LRRC8C: variants seen among roughly 807,000 people sequenced by gnomAD.
LRRC8C encodes the protein leucine rich repeat containing 8 VRAC subunit C.
A neutral mutation model predicts 55.3 loss-of-function variants in LRRC8C; 20 were observed. That is an observed-to-expected ratio of 0.36 (90% CI 0.25 to 0.53). The LOEUF is 0.53. Ranked by LOEUF, LRRC8C falls within the 20% of genes least tolerant of loss-of-function variation. The pLI, the probability that LRRC8C is intolerant of heterozygous loss-of-function variation, is 0.92. For missense variants in LRRC8C, 659 were observed against 951.4 expected, an observed-to-expected ratio of 0.69 and a Z score of 4.04; for synonymous variants, 376 against 360.7, an observed-to-expected ratio of 1.04 and a Z score of -0.48.
chr1:89,704,483 G>T (rs533611228), intron 2 of LRRC8C, among the ~76,000 whole-genome samples: 1 of 152,196 alleles, frequency 6.6e-6, no homozygotes, highest in East Asian at 1.9e-4. Context: ...AACTCAAGGT[G>T]CAGGAACAAT....
chr1:89,712,626 G>T, intron 2 of LRRC8C, 83 bp from the exon 3 acceptor site: 1 of 927,058 alleles, frequency 1.1e-6, no homozygotes, highest in Non-Finnish European at 1.7e-6. Context: ...TTTATTGGAT[G>T]TTACTGCTGC....
At chr1:89,635,949 G>C (rs1656267131) in intron 1 of LRRC8C, among the ~76,000 whole-genome samples, 1 of 152,190 alleles carries the variant, frequency 6.6e-6, no homozygotes, top group Non-Finnish European at 1.5e-5. Flanking sequence ...ACTAATGAGG[G>C]TTACATAACC....
At position 89,714,603 on chromosome 1, in the gene LRRC8C, ACC is replaced by A; in HGVS notation, c.2034_2035del (p.Phe680ProfsTer14). On this transcript the variant is annotated frameshift_variant, in exon 3 of 3. Transcript: ENST00000370454. LOFTEE classifies it high-confidence loss of function. The surrounding 1 kb of genome is among the most constrained non-coding windows in gnomAD (Gnocchi z 4.6). ...AATAAAATAGAGGTGCTGCCTTCCC[ACC>A]TCTTCCTATGCAACAAGATCCGATA... 1 of 1,613,998 alleles carries A rather than the reference ACC, an allele frequency of 6.2e-7. No homozygotes were observed. Among genetic ancestry groups the A allele is most frequent in the South Asian group, 1.1e-5 (1 of 91,046 alleles).
At chr1:89,637,857 C>T (rs1656336300) in intron 1 of LRRC8C, among the ~76,000 whole-genome samples, 1 of 152,126 alleles carries the variant, frequency 6.6e-6, no homozygotes, top group Admixed American at 6.5e-5. Flanking sequence ...AACATACCAT[C>T]ACAAATTTGA....
chr1:89,633,479 G>A (rs953988199), intron 1 of LRRC8C, among the ~76,000 whole-genome samples, 157 bp downstream of exon 1: 1 of 152,214 alleles, frequency 6.6e-6, no homozygotes, highest in Non-Finnish European at 1.5e-5. Context: ...TGCCCGCCCG[G>A]CGTGTGGTGC....
chr1:89,666,448 A>G (rs1657266314), intron 1 of LRRC8C, among the ~76,000 whole-genome samples: 1 of 152,110 alleles, frequency 6.6e-6, no homozygotes, highest in Non-Finnish European at 1.5e-5. Flanking sequence ...ATTCAAAACA[A>G]ATGAGGCCCA....
chr1:89,713,266 A>G lies in LRRC8C; in HGVS notation c.696A>G (p.Lys232=). The change falls in exon 3 of 3, where the codon AAA becomes AAG. Residue 232 remains lysine, a synonymous_variant. Coordinates refer to ENST00000370454, the MANE Select transcript of LRRC8C (RefSeq NM_032270.5). This position sits in a 1 kb window ranked among gnomAD's most constrained non-coding sequence, Gnocchi z 5.2. ...AATCCACTGCAGGGGCTCTGGATAAAAAGGAAGGTGAGCAGGCTAAGGCCT... is the reference window on the plus strand; with the variant it reads ...AATCCACTGCAGGGGCTCTGGATAAGAAGGAAGGTGAGCAGGCTAAGGCCT... ...VDKSTAGALD[K]KEGEQAKALF... 1 of 1,614,222 alleles carries G rather than the reference A, an allele frequency of 6.2e-7. No individual in the cohort carries two copies. Among genetic ancestry groups the G allele is most frequent in the Non-Finnish European group, 8.5e-7 (1 of 1,180,030 alleles).
At chr1:89,627,269 CAA>C in the LRRC8C span, among the ~76,000 whole-genome samples, 11 of 151,158 alleles carry the variant, frequency 7.3e-5, no homozygotes, top group Non-Finnish European at 1.6e-4. Context: ...AGACAATGAC[CAA>C]TATATATATA....
intron 2 of LRRC8C, among the ~76,000 whole-genome samples, chr1:89,702,080 G>A (rs534876309): frequency 6.6e-6 from 1 of 152,212 alleles, no homozygotes; most frequent in Non-Finnish European, 1.5e-5. Context: ...TGCATCTGAG[G>A]TGCCTGCCGA....
intron 1 of LRRC8C, among the ~76,000 whole-genome samples, chr1:89,671,752 C>G (rs1395520983): frequency 3.9e-5 from 6 of 152,138 alleles, no homozygotes; most frequent in African/African-American, 1.4e-4. Context: ...TGGAGGATGA[C>G]CAAGTATAGG....
chr1:89,652,776 G>T (rs1656826490), intron 1 of LRRC8C, among the ~76,000 whole-genome samples: 1 of 152,144 alleles, frequency 6.6e-6, no homozygotes, highest in Non-Finnish European at 1.5e-5. Context: ...CAAGTGGCAA[G>T]TTACGGGGTC....
intron 1 of LRRC8C, among the ~76,000 whole-genome samples, chr1:89,646,904 C>A (rs182797843): frequency 6.6e-6 from 1 of 152,036 alleles, no homozygotes; most frequent in Non-Finnish European, 1.5e-5. Flanking sequence ...AACTTGTAAT[C>A]GACATGAAGA....
the LRRC8C span, among the ~76,000 whole-genome samples, chr1:89,620,209 C>G: frequency 6.6e-6 from 1 of 152,112 alleles, no homozygotes; most frequent in Non-Finnish European, 1.5e-5. Context: ...GCATTAATCC[C>G]ATTCATGATG....
Position 89,678,635 on chromosome 1 carries a change from TA to T in LRRC8C, c.-4-7834del, listed in dbSNP as rs1359459279. On this transcript the variant is annotated intron_variant, in intron 1 of 2. Transcript: ENST00000370454. The stretch of plus-strand genomic sequence containing the variant: ...GAATCGCATGAACCTGGGAGGCAGA[TA>T]TTGCAGTGAGCCAAGATCGCGCCAT... Among the ~76,000 whole-genome samples, 3 of 150,792 alleles carry T rather than the reference TA, an allele frequency of 2.0e-5. No individual in the cohort carries two copies. In the East Asian group the frequency reaches 5.8e-4, roughly 29 times the overall value.
chr1:89,704,941 A>C (rs1256878449), intron 2 of LRRC8C, among the ~76,000 whole-genome samples: 1 of 151,988 alleles, frequency 6.6e-6, no homozygotes, highest in Admixed American at 6.6e-5. Flanking sequence ...CCAAAGGACT[A>C]TAAATCATGC....
chr1:89,662,163 T>A (rs1342947172), intron 1 of LRRC8C, among the ~76,000 whole-genome samples: 3 of 151,940 alleles, frequency 2.0e-5, no homozygotes, highest in Admixed American at 2.0e-4. Flanking sequence ...AGAAAAAAAA[T>A]CACAAAATCT....
intron 1 of LRRC8C, among the ~76,000 whole-genome samples, chr1:89,685,573 C>T (rs962660189): frequency 6.6e-6 from 1 of 152,074 alleles, no homozygotes; most frequent in South Asian, 2.1e-4. Flanking sequence ...TATTTCTCCT[C>T]ACAGTAGCAG....
intron 1 of LRRC8C, among the ~76,000 whole-genome samples, chr1:89,633,710 A>G (rs1472241455): frequency 6.6e-6 from 1 of 152,170 alleles, no homozygotes; most frequent in Admixed American, 6.5e-5. Context: ...AAAATCTCTG[A>G]GACCCCGGGG....
intron 1 of LRRC8C, among the ~76,000 whole-genome samples, chr1:89,658,121 G>C (rs976484814): frequency 6.6e-6 from 1 of 152,130 alleles, no homozygotes; most frequent in African/African-American, 2.4e-5. Context: ...AGTTTCCCTT[G>C]ATGTTCTTTG....
Sources: gnomAD v4.1 joint callset for allele counts (sites outside exome capture counted in the v4.1 genomes callset) on GRCh38, gnomAD v4.1.1 for gene constraint, Gnocchi (gnomAD v3.1) non-coding constraint, MANE v1.5 for transcripts, NCBI Gene and HGNC (gene_info 2026-07-23, HGNC 2026-07-21) for gene names.